The following SLC4A1 variants were observed in gnomAD, a reference collection of about 807,000 sequenced individuals.
SLC4A1 encodes the protein solute carrier family 4 member 1 (Diego blood group).
Under a neutral mutation model 93.1 loss-of-function variants are expected in SLC4A1, and 29 were observed. That is an observed-to-expected ratio of 0.31 (90% CI 0.23 to 0.42). The LOEUF (loss-of-function observed/expected upper bound fraction) is 0.42, where lower values mean the gene tolerates loss of function less well. SLC4A1 is among the 20% of genes least tolerant of loss of function. The pLI is 1.00. For missense variants in SLC4A1, 965 were observed against 1,190.1 expected (o/e 0.81, Z 2.78); for synonymous variants, 469 against 497.2 (o/e 0.94, Z 0.76).
In SLC4A1 at chr17:44,262,844, A is replaced by G; in HGVS notation, c.15+8T>C. On this transcript the variant is annotated splice_region_variant and intron_variant, in intron 2 of 19. Coordinates refer to ENST00000262418, the MANE Select transcript of SLC4A1 (RefSeq NM_000342.4). ...GTGGGAGCACTGCTGATGCCAGGGA[A>G]CACCCACCTGCAGCTCCTCCATGGC... 6.2e-7 allele frequency: 1 copy of G among 1,613,774 alleles called. No homozygotes were observed. Among genetic ancestry groups the G allele is most frequent in the Non-Finnish European group, 8.5e-7 (1 of 1,179,678 alleles).
chr17:44,257,897 T>C, intron 11 of SLC4A1, 89 bp downstream of exon 11: 1 of 1,606,428 alleles, frequency 6.2e-7, no homozygotes, highest in Non-Finnish European at 8.5e-7. Context: ...TGCAGGGGTC[T>C]GGAGGGTCAG....
In SLC4A1 at chr17:44,254,533, C is replaced by T. The variant is rs765515997; in HGVS notation, c.2020G>A (p.Val674Ile). The part of the protein sequence containing the change: ...MFASALPALL[V>I]FILIFLESQI... ...GACTCCAGGAATATGAGGATGAAGA[C>T]CAGCAGAGCAGGCAGGGCGGAGGCA... is the stretch of plus-strand genomic sequence containing the variant. Residue 674 changes from valine to isoleucine, a missense_variant, in exon 16 of 20, where the codon GTC becomes ATC. Physicochemically the swap from Val to Ile is conservative, Grantham distance 29. This residue lies in a region of SLC4A1 where 770 missense variants were observed against 1,006.6 expected (regional missense o/e 0.76). Coordinates refer to ENST00000262418, the MANE Select transcript of SLC4A1 (RefSeq NM_000342.4). The T allele has an allele frequency of 2.4e-5, 38 of 1,573,830 alleles. No individual in the cohort carries two copies. The South Asian group carries it at 3.9e-4, about 16-fold the overall frequency.
chr17:44,257,902 G>A, intron 11 of SLC4A1, 84 bp downstream of exon 11: 2 of 1,602,124 alleles, frequency 1.2e-6, no homozygotes, highest in African/African-American at 2.7e-5. Context: ...GGGTCTGGAG[G>A]GTCAGACAGA....
intron 1 of SLC4A1, among the ~76,000 whole-genome samples, chr17:44,263,764 C>CCT (rs1265905591): frequency 1.6e-4 from 23 of 146,632 alleles, no homozygotes; most frequent in African/African-American, 4.5e-4. Context: ...TTCCTTCCTT[C>CCT]CTCTCTCTCT....
At chr17:44,250,968 T>G (rs945139357) in intron 19 of SLC4A1, among the ~76,000 whole-genome samples, 191 bp downstream of exon 19, 3 of 152,086 alleles carry the variant, frequency 2.0e-5, no homozygotes, top group African/African-American at 7.2e-5. Flanking sequence ...CCTTTACAGG[T>G]GAGCAAAATG....
At chr17:44,257,898 G>A in intron 11 of SLC4A1, 88 bp downstream of exon 11, 1 of 1,605,420 alleles carries the variant, frequency 6.2e-7, no homozygotes, top group Non-Finnish European at 8.5e-7. Context: ...GCAGGGGTCT[G>A]GAGGGTCAGA....
chr17:44,257,512 C>T lies in SLC4A1; in HGVS notation c.1464G>A (p.Val488=), dbSNP rs1230109872. Residue 488 remains valine (V), a synonymous_variant, in exon 13 of 20, where the codon GTG becomes GTA. Coordinates refer to ENST00000262418, the MANE Select transcript of SLC4A1 (RefSeq NM_000342.4). ...GCCAGAAGCCGATCCACACGCGGCC[C>T]ACGATGTACTCTAGACCGTTGGTCT... ...FCETNGLEYI[V]GRVWIGFWLI... is the part of the protein sequence containing the mutation. 3 of 1,614,056 alleles carry T rather than the reference C, an allele frequency of 1.9e-6. No homozygotes were observed. Among genetic ancestry groups the T allele is most frequent in the African/African-American group, 1.3e-5 (1 of 75,016 alleles).
chr17:44,258,247 A>G lies in SLC4A1; in HGVS notation c.1088-67T>C. The stretch of plus-strand genomic sequence containing the variant: ...AGGAGGTGAGGGGAAAGGGGACTGG[A>G]GGGTGTAGGGGAGATTGTCTGATGG... On this transcript the variant is annotated intron_variant, in intron 10 of 19. Transcript: ENST00000262418. The surrounding 1 kb of genome is among the most constrained non-coding windows in gnomAD (Gnocchi z 6.1). The G allele has an allele frequency of 6.6e-7, 1 of 1,510,886 alleles. No individual in the cohort carries two copies. Among genetic ancestry groups the G allele is most frequent in the Non-Finnish European group, 9.2e-7 (1 of 1,088,322 alleles). The allele number at this position is 1,510,886 out of a possible 1,614,324, so 93.6% of individuals were successfully genotyped here.
rs1400618165 is a variant in SLC4A1, at chr17:44,249,211, C to T, written c.*1247G>A. 1 of 453,150 alleles carries T rather than the reference C, an allele frequency of 2.2e-6. No homozygotes were observed. The highest frequency in any genetic ancestry group is 2.4e-5 in the Admixed American group (1 of 41,800). The allele number at this position is 453,150 out of a possible 1,614,324, so 28.1% of individuals were successfully genotyped here. On this transcript the variant is annotated 3_prime_UTR_variant, in exon 20 of 20. Coordinates refer to ENST00000262418, the MANE Select transcript of SLC4A1 (RefSeq NM_000342.4). ...CTGATTCTGTTTCCTCCATCTCTCA[C>T]CACTTTCACGTCTTTCAACTCTTTT...
Position 44,262,873 on chromosome 17 carries a change from G to T in SLC4A1, c.-7C>A, listed in dbSNP as rs975634327. ...CCACCTGCAGCTCCTCCATGGCGTG[G>T]TCCTGAGTGTCCAGTTGTCTACGGT... On this transcript the variant is annotated 5_prime_UTR_variant, in exon 2 of 20. Coordinates refer to ENST00000262418, the MANE Select transcript of SLC4A1 (RefSeq NM_000342.4). 2 of 1,614,138 alleles carry T rather than the reference G, an allele frequency of 1.2e-6. No individual in the cohort carries two copies. The highest frequency in any genetic ancestry group is 1.7e-5 in the Admixed American group (1 of 60,026).
intron 4 of SLC4A1, 148 bp downstream of exon 4, chr17:44,261,427 C>A: frequency 7.3e-7 from 1 of 1,369,864 alleles, no homozygotes; most frequent in South Asian, 1.2e-5. Flanking sequence ...GTCCCTCCCA[C>A]CTGTTTCCTG....
chr17:44,251,408 G>T lies in SLC4A1; in HGVS notation c.2481+11C>A. On this transcript the variant is annotated intron_variant, in intron 18 of 19. Transcript: ENST00000262418. ...CACCCCAGGCTGGGCAGCCAGAAAA[G>T]GGTCCTGTACCCGCTTGACGTAGGG... The T allele has an allele frequency of 6.2e-7, 1 of 1,614,242 alleles. No homozygotes were observed. The highest frequency in any genetic ancestry group is 8.5e-7 in the Non-Finnish European group (1 of 1,180,048).
Position 44,249,980 on chromosome 17 carries a change from G to T in SLC4A1, c.*478C>A, listed in dbSNP as rs920134500. 16 of 199,290 alleles carry T rather than the reference G, an allele frequency of 8.0e-5. 1 individual carries two copies. In the South Asian group the frequency reaches 1.6e-3, roughly 20 times the overall value. The allele number at this position is 199,290 out of a possible 1,614,324, so 12.3% of individuals were successfully genotyped here. A position where few individuals can be genotyped will look rare whatever the true frequency, so the allele number is the denominator to read the frequency against. On this transcript the variant is annotated 3_prime_UTR_variant, in exon 20 of 20. Transcript: ENST00000262418. The stretch of plus-strand genomic sequence containing the variant: ...GAGTTTACAAAGCCCTATTTTACAT[G>T]TATCTTTGGTCCTCAGTAACCATCC...
At chr17:44,264,275 A>G (rs961821326) in intron 1 of SLC4A1, among the ~76,000 whole-genome samples, 8 of 152,212 alleles carry the variant, frequency 5.3e-5, no homozygotes, top group Admixed American at 3.9e-4. Flanking sequence ...ACTGGGCAAC[A>G]TAGTGAAACC....
At chr17:44,255,581 G>T in intron 14 of SLC4A1, 92 bp downstream of exon 14, 1 of 1,301,448 alleles carries the variant, frequency 7.7e-7, no homozygotes, top group Non-Finnish European at 1.1e-6. Context: ...GAAAAAGAAG[G>T]GAAGCTAAGG....
chr17:44,267,878 T>C (rs1389287498), intron 1 of SLC4A1, among the ~76,000 whole-genome samples, 176 bp downstream of exon 1: 1 of 152,130 alleles, frequency 6.6e-6, no homozygotes, highest in Admixed American at 6.5e-5. Context: ...CAGGTGCCAA[T>C]GGGCCTGTTC....
rs1174269872 is a variant in SLC4A1, at chr17:44,249,713, C to G, written c.*745G>C. The G allele has an allele frequency of 6.4e-6, 1 of 155,102 alleles. No individual in the cohort carries two copies. Among genetic ancestry groups the G allele is most frequent in the African/African-American group, 2.4e-5 (1 of 41,416 alleles). 9.6% of individuals were successfully genotyped at this position (155,102 alleles called of 1,614,324 possible). ...ATCCTTGCCTGTACCTTGTCCTCAC[C>G]AGGACGCCTCTCTCTGGGCCCAGAG... is the stretch of plus-strand genomic sequence containing the variant. On this transcript the variant is annotated 3_prime_UTR_variant, in exon 20 of 20. Transcript: ENST00000262418.
chr17:44,259,785 ACC>A (rs754290318), intron 7 of SLC4A1, 22 bp downstream of exon 7: 53 of 1,613,494 alleles, frequency 3.3e-5, no homozygotes, highest in Non-Finnish European at 4.5e-5. Context: ...CCTGACCCTG[ACC>A]CTGACCCTGT....
At chr17:44,260,021 C>G in intron 6 of SLC4A1, 89 bp from the exon 7 acceptor site, 1 of 1,529,452 alleles carries the variant, frequency 6.5e-7, no homozygotes, top group Non-Finnish European at 9.0e-7. Context: ...CATCAAGGGA[C>G]TGGGGTAGAC....
Sources: allele counts gnomAD v4.1 joint callset (sites outside exome capture counted in the v4.1 genomes callset), GRCh38; gene constraint gnomAD v4.1.1; regional missense constraint gnomAD v4.1.1; non-coding constraint Gnocchi (gnomAD v3.1); transcripts MANE v1.5; gene names NCBI Gene and HGNC (gene_info 2026-07-23, HGNC 2026-07-21).